UNC13C: variants seen among roughly 807,000 people sequenced by gnomAD.
The protein encoded by UNC13C is protein unc-13 homolog C.
Under a neutral mutation model 245.4 loss-of-function variants are expected in UNC13C, and 174 were observed. That is an observed-to-expected ratio of 0.71 (90% CI 0.63 to 0.80). UNC13C has a LOEUF of 0.80. UNC13C is among the 30% of genes least tolerant of loss of function. The pLI, the probability that UNC13C is intolerant of heterozygous loss-of-function variation, is 0.00. For synonymous variants in UNC13C, 992 were observed against 895.1 expected, an observed-to-expected ratio of 1.11 and a Z score of -1.93; for missense variants, 2,829 against 2,602.9, an observed-to-expected ratio of 1.09 and a Z score of -1.89.
rs559182543 is a variant in UNC13C, at chr15:54,495,235, T to G, written c.5060+501T>G. On this transcript the variant is annotated intron_variant, in intron 20 of 32. Coordinates refer to ENST00000260323, the MANE Select transcript of UNC13C (RefSeq NM_001080534.3). Reference sequence around the variant, plus strand: ...TGTAATAATTTGCATTTGATATGTATTAGAATTCTGTTTTATTCTATTGAT... The same window carrying G: ...TGTAATAATTTGCATTTGATATGTAGTAGAATTCTGTTTTATTCTATTGAT... Among the ~76,000 whole-genome samples the G allele has an allele frequency of 4.6e-5, 7 of 152,146 alleles. No homozygotes were observed. The South Asian group carries it at 1.5e-3, about 32-fold the overall frequency.
chr15:54,095,400 T>C (rs921234714), intron 2 of UNC13C, among the ~76,000 whole-genome samples: 9 of 152,348 alleles, frequency 5.9e-5, no homozygotes, highest in Non-Finnish European at 1.3e-4. Context: ...CCTTCTTGGT[T>C]ACTCCAACCT....
intron 4 of UNC13C, among the ~76,000 whole-genome samples, chr15:54,155,287 AT>A (rs1177372151): frequency 6.6e-6 from 1 of 152,148 alleles, no homozygotes; most frequent in Non-Finnish European, 1.5e-5. Context: ...ACCAAACTTG[AT>A]TATATGATGG....
At chr15:54,279,384 A>C (rs1350349955) in intron 10 of UNC13C, among the ~76,000 whole-genome samples, 5 of 152,206 alleles carry the variant, frequency 3.3e-5, no homozygotes, top group Admixed American at 3.3e-4. Context: ...GGTGATTAGT[A>C]CAATCTTCTT....
chr15:53,999,900 A>G (rs1355148980), intron 1 of UNC13C, among the ~76,000 whole-genome samples: 1 of 151,998 alleles, frequency 6.6e-6, no homozygotes, highest in Non-Finnish European at 1.5e-5. Flanking sequence ...TATGGTCACG[A>G]TATATGCTCT....
At chr15:53,946,193 A>T in the UNC13C span, among the ~76,000 whole-genome samples, 1 of 152,112 alleles carries the variant, frequency 6.6e-6, no homozygotes, top group Non-Finnish European at 1.5e-5. Flanking sequence ...AGATCATTTG[A>T]CTTCCTATAT....
chr15:54,206,363 G>T (rs537802080), intron 4 of UNC13C, among the ~76,000 whole-genome samples: 2 of 152,100 alleles, frequency 1.3e-5, no homozygotes, highest in South Asian at 4.1e-4. Context: ...TAACAGAAAA[G>T]GTTTGGAGAT....
chr15:54,304,341 T>C (rs1171977537), intron 13 of UNC13C, among the ~76,000 whole-genome samples: 1 of 152,134 alleles, frequency 6.6e-6, no homozygotes, highest in Non-Finnish European at 1.5e-5. Flanking sequence ...CATTGACAAT[T>C]ACACTTCAGT....
At chr15:53,909,833 A>C in the UNC13C span, among the ~76,000 whole-genome samples, 1 of 146,578 alleles carries the variant, frequency 6.8e-6, no homozygotes, top group Non-Finnish European at 1.5e-5. Flanking sequence ...TGCACCTGTC[A>C]GTCAAGTGGA....
At chr15:53,967,964 C>T in the UNC13C span, 1 of 151,832 alleles carries the variant, frequency 6.6e-6, no homozygotes, top group Non-Finnish European at 1.5e-5. Flanking sequence ...TATTTTGTAT[C>T]TTTAGCTTGT....
At chr15:54,245,381 C>T (rs1490190112) in intron 7 of UNC13C, among the ~76,000 whole-genome samples, 1 of 152,030 alleles carries the variant, frequency 6.6e-6, no homozygotes, top group Non-Finnish European at 1.5e-5. Flanking sequence ...GGACTCACCC[C>T]ATAAGTTTCT....
intron 4 of UNC13C, among the ~76,000 whole-genome samples, chr15:54,196,389 T>C (rs1036811959): frequency 1.3e-5 from 2 of 151,682 alleles, no homozygotes; most frequent in Non-Finnish European, 2.9e-5. Flanking sequence ...GACTTTATAG[T>C]AGAGATCCCT....
chr15:54,130,829 GT>G (rs1305947138), intron 2 of UNC13C, among the ~76,000 whole-genome samples: 1 of 151,974 alleles, frequency 6.6e-6, no homozygotes, highest in Non-Finnish European at 1.5e-5. Context: ...ATTCTTTCTG[GT>G]TTTATTCAAA....
chr15:54,403,108 G>T (rs899750807), intron 18 of UNC13C, among the ~76,000 whole-genome samples: 3 of 152,150 alleles, frequency 2.0e-5, no homozygotes, highest in African/African-American at 7.2e-5. Context: ...TGCAGTTCGA[G>T]AAACAGTTAT....
chr15:54,453,013 C>G (rs1336599971), intron 19 of UNC13C, among the ~76,000 whole-genome samples: 1 of 152,138 alleles, frequency 6.6e-6, no homozygotes, highest in Non-Finnish European at 1.5e-5. Context: ...AGGATGCATT[C>G]TGGTGGTGGC....
intron 30 of UNC13C, among the ~76,000 whole-genome samples, chr15:54,600,485 C>G (rs559558160): frequency 6.6e-6 from 1 of 152,050 alleles, no homozygotes; most frequent in Non-Finnish European, 1.5e-5. Context: ...ACAAGATGAG[C>G]TCAGCTAGAT....
At chr15:54,582,763 T>A (rs1222423398) in intron 30 of UNC13C, among the ~76,000 whole-genome samples, 1 of 152,148 alleles carries the variant, frequency 6.6e-6, no homozygotes, top group Non-Finnish European at 1.5e-5. Flanking sequence ...CGACCACCAC[T>A]ACTGTTAGCC....
the UNC13C span, among the ~76,000 whole-genome samples, chr15:53,941,936 G>A: frequency 6.6e-6 from 1 of 152,146 alleles, no homozygotes; most frequent in Non-Finnish European, 1.5e-5. Context: ...CGAGAAAAAG[G>A]ACACTTTTAC....
At chr15:54,153,420 A>T (rs1380303347) in intron 4 of UNC13C, among the ~76,000 whole-genome samples, 3 of 152,010 alleles carry the variant, frequency 2.0e-5, no homozygotes, top group Non-Finnish European at 4.4e-5. Flanking sequence ...CAACTTTTGG[A>T]GGTAGGTATG....
intron 28 of UNC13C, among the ~76,000 whole-genome samples, chr15:54,550,023 G>C (rs1347444245): frequency 6.6e-6 from 1 of 152,106 alleles, no homozygotes; most frequent in African/African-American, 2.4e-5. Context: ...CATCAAAGCA[G>C]GCACTGAACT....
Sources: allele counts gnomAD v4.1 joint callset (sites outside exome capture counted in the v4.1 genomes callset), GRCh38; gene constraint gnomAD v4.1.1; transcripts MANE v1.5; gene names NCBI Gene and HGNC (gene_info 2026-07-23, HGNC 2026-07-21).